The following AKT3 variants were observed in gnomAD, a reference collection of about 807,000 sequenced individuals.
AKT3 encodes the protein AKT serine/threonine kinase 3.
AKT3 carries 15 observed loss-of-function variants against 65.3 expected under a neutral mutation model. That is an observed-to-expected ratio of 0.23 (90% CI 0.15 to 0.35). The LOEUF is 0.35. Ranked by LOEUF, AKT3 falls within the 10% of genes least tolerant of loss-of-function variation. The pLI, the probability that AKT3 is intolerant of heterozygous loss-of-function variation, is 1.00. For synonymous variants in AKT3, 206 were observed against 183.8 expected, an observed-to-expected ratio of 1.12 and a Z score of -0.98; for missense variants, 243 against 576.5, an observed-to-expected ratio of 0.42 and a Z score of 5.92.
chr1:243,653,418 C>G (rs1389917001), intron 4 of AKT3, among the ~76,000 whole-genome samples: 2 of 152,164 alleles, frequency 1.3e-5, no homozygotes, highest in African/African-American at 4.8e-5. Context: ...ACCAGAGGTA[C>G]AAAGAGGAGC....
At chr1:243,803,159 T>G (rs1285469132) in intron 2 of AKT3, among the ~76,000 whole-genome samples, 2 of 152,016 alleles carry the variant, frequency 1.3e-5, no homozygotes, top group Admixed American at 6.6e-5. Flanking sequence ...TTTTAAAAAA[T>G]TATAATAACA....
At chr1:243,771,811 A>G (rs1025823269) in intron 2 of AKT3, among the ~76,000 whole-genome samples, 2 of 152,288 alleles carry the variant, frequency 1.3e-5, no homozygotes, top group Non-Finnish European at 2.9e-5. Context: ...ATAGTAACCA[A>G]AACAGCATGG....
intron 2 of AKT3, among the ~76,000 whole-genome samples, chr1:243,769,588 C>A (rs1024421356): frequency 6.6e-6 from 1 of 152,052 alleles, no homozygotes; most frequent in Non-Finnish European, 1.5e-5. Context: ...ATTTGATTAT[C>A]TTCTTTGGAG....
intron 3 of AKT3, among the ~76,000 whole-genome samples, chr1:243,682,062 C>T (rs1358911543): frequency 2.0e-5 from 3 of 151,924 alleles, no homozygotes; most frequent in Non-Finnish European, 4.4e-5. Flanking sequence ...ACGCACAATC[C>T]TCTTTCTAGA....
At chr1:243,567,833 C>T (rs1274495281) in intron 9 of AKT3, among the ~76,000 whole-genome samples, 1 of 152,066 alleles carries the variant, frequency 6.6e-6, no homozygotes, top group African/African-American at 2.4e-5. Context: ...TTCTGTTATA[C>T]AATACATGAT....
At chr1:243,518,184 A>C (rs1043253282) in intron 12 of AKT3, among the ~76,000 whole-genome samples, 2 of 152,264 alleles carry the variant, frequency 1.3e-5, no homozygotes, top group Non-Finnish European at 2.9e-5. Flanking sequence ...TTCTCTATAC[A>C]TTAGTCAAGA....
intron 3 of AKT3, among the ~76,000 whole-genome samples, chr1:243,694,857 G>A (rs1014156387): frequency 1.3e-5 from 2 of 151,678 alleles, no homozygotes; most frequent in Admixed American, 6.6e-5. Flanking sequence ...ATATTGTCTC[G>A]TTAAAGATTT....
chr1:243,526,278 C>T (rs763205156), intron 12 of AKT3, among the ~76,000 whole-genome samples: 1 of 152,064 alleles, frequency 6.6e-6, no homozygotes, highest in African/African-American at 2.4e-5. Flanking sequence ...TAATTCGTAC[C>T]GCCTGACCTT....
downstream of AKT3, among the ~76,000 whole-genome samples, chr1:243,498,519 T>TCTAA (rs200884827): frequency 0.013 from 2,001 of 152,278 alleles, 43 homozygotes; most frequent in African/African-American, 0.046. Flanking sequence ...CCCCACCTAC[T>TCTAA]CTAACTACCC....
intron 3 of AKT3, among the ~76,000 whole-genome samples, chr1:243,678,182 T>C (rs1319185522): frequency 1.3e-5 from 2 of 152,120 alleles, no homozygotes; most frequent in Non-Finnish European, 1.5e-5. Flanking sequence ...CTTTAAACTT[T>C]AAGGGGAAGG....
Position 243,726,287 on chromosome 1 carries a change from A to ACC in AKT3, c.47-30572_47-30571insGG, listed in dbSNP as rs561434395. On this transcript the variant is annotated intron_variant, in intron 2 of 13. Transcript: ENST00000673466. ...TGATTATTTAGGTATTAAAGGATGT[A>ACC]TAAGTAAATTCCAGTGGTGAAATCT... Among the ~76,000 whole-genome samples the ACC allele has an allele frequency of 1.5e-3, 229 of 152,340 alleles. 1 individual carries two copies. The highest frequency in any genetic ancestry group is 5.3e-3 in the African/African-American group (221 of 41,588).
intron 3 of AKT3, among the ~76,000 whole-genome samples, chr1:243,690,857 T>C (rs1684645529): frequency 6.6e-6 from 1 of 152,142 alleles, no homozygotes. Flanking sequence ...AAGGCTTCAT[T>C]TTTCTCACCT....
chr1:243,707,504 A>G (rs1361639703), intron 2 of AKT3, among the ~76,000 whole-genome samples: 5 of 152,154 alleles, frequency 3.3e-5, no homozygotes, highest in Admixed American at 3.3e-4. Context: ...AAAAAAATCA[A>G]AAGCCTTCCA....
rs553321850 is a variant in AKT3, at chr1:243,809,101, T to G, written c.46+34024A>C. ...CATGCCAAATTGTAAAGACCATCAA[T>G]GCTAGGAAGAAACTGTATCAACTAA... On this transcript the variant is annotated intron_variant, in intron 2 of 13. Coordinates refer to ENST00000673466, the MANE Select transcript of AKT3 (RefSeq NM_005465.7). Among the ~76,000 whole-genome samples the G allele has an allele frequency of 4.3e-4, 65 of 152,240 alleles. 1 individual carries two copies. The highest frequency in any genetic ancestry group is 1.5e-3 in the African/African-American group (61 of 41,542).
intron 2 of AKT3, among the ~76,000 whole-genome samples, chr1:243,841,298 C>T (rs576929942): frequency 4.7e-4 from 71 of 152,140 alleles, no homozygotes; most frequent in African/African-American, 1.7e-3. Context: ...GAGATAGCAA[C>T]AGCTTACATT....
chr1:243,550,330 T>A (rs1157408984), intron 11 of AKT3, among the ~76,000 whole-genome samples: 2 of 152,210 alleles, frequency 1.3e-5, no homozygotes, highest in Admixed American at 1.3e-4. Flanking sequence ...ATTAGATCAA[T>A]ATCAACCTCC....
chr1:243,806,888 T>C (rs1270286509), intron 2 of AKT3, among the ~76,000 whole-genome samples: 2 of 152,314 alleles, frequency 1.3e-5, no homozygotes, highest in Middle Eastern at 3.4e-3. Context: ...GTAATGCATC[T>C]TTCCTTGCAA....
At chr1:243,801,983 A>G (rs1241368385) in intron 2 of AKT3, among the ~76,000 whole-genome samples, 1 of 152,200 alleles carries the variant, frequency 6.6e-6, no homozygotes, top group Non-Finnish European at 1.5e-5. Flanking sequence ...AAATATTCCT[A>G]TAGGATAAAA....
intron 4 of AKT3, among the ~76,000 whole-genome samples, chr1:243,660,952 T>A (rs1383261352): frequency 6.6e-6 from 1 of 152,182 alleles, no homozygotes; most frequent in Non-Finnish European, 1.5e-5. Context: ...GAACTCCCAT[T>A]CACAACTGCT....
Sources: allele counts gnomAD v4.1 joint callset (sites outside exome capture counted in the v4.1 genomes callset), GRCh38; gene constraint gnomAD v4.1.1; transcripts MANE v1.5; gene names NCBI Gene and HGNC (gene_info 2026-07-23, HGNC 2026-07-21).